Variants in ZNF610 observed in about 807,000 individuals in gnomAD.
ZNF610 encodes zink finger protein.
Under a neutral mutation model 14.1 loss-of-function variants are expected in ZNF610, and 14 were observed. The ratio of observed to expected loss-of-function variants is 0.99; its 90% CI spans 0.65 to 1.55. The LOEUF is 1.55. Among genes scored for constraint, ZNF610 ranks in the 40% most tolerant of loss-of-function variants. The pLI, the probability that ZNF610 is intolerant of heterozygous loss-of-function variation, is 0.00. For synonymous variants in ZNF610, 185 were observed against 187.6 expected, an observed-to-expected ratio of 0.99 and a Z score of 0.11; for missense variants, 530 against 558.0, an observed-to-expected ratio of 0.95 and a Z score of 0.51.
chr19:52,330,721 C>T, the ZNF610 span, among the ~76,000 whole-genome samples: 79 of 152,220 alleles, frequency 5.2e-4, 1 homozygote, highest in Non-Finnish European at 7.6e-4. Context: ...GTACACCTCA[C>T]GCGACCTTCT....
chr19:52,349,646 C>T (rs1173155648), intron 3 of ZNF610, among the ~76,000 whole-genome samples: 2 of 151,394 alleles, frequency 1.3e-5, no homozygotes, highest in African/African-American at 4.9e-5. Context: ...GATCTCGACT[C>T]GCTGCAACCT....
At chr19:52,362,927 A>G (rs1255568410) in intron 5 of ZNF610, among the ~76,000 whole-genome samples, 1 of 152,022 alleles carries the variant, frequency 6.6e-6, no homozygotes, top group Non-Finnish European at 1.5e-5. Context: ...ATGAGGCTAT[A>G]GTGATGTTTG....
At chr19:52,363,333 G>A (rs1487621067) in intron 5 of ZNF610, among the ~76,000 whole-genome samples, 1 of 152,098 alleles carries the variant, frequency 6.6e-6, no homozygotes. Flanking sequence ...GTTTCGCCAT[G>A]TTGGCCAGGC....
At chr19:52,337,608 A>G (rs1984446440) in intron 1 of ZNF610, among the ~76,000 whole-genome samples, 1 of 152,164 alleles carries the variant, frequency 6.6e-6, no homozygotes, top group South Asian at 2.1e-4. Flanking sequence ...AAAGAAGGTA[A>G]GAATGAGAGA....
At position 52,353,693 on chromosome 19, in the gene ZNF610, A is replaced by C. The variant is rs772336598; in HGVS notation, c.75A>C (p.Thr25=). The change falls in exon 4 of 6, where the codon ACA becomes ACC. Residue 25 remains threonine (T), a synonymous_variant. Transcript: ENST00000403906. ...GGTCCTCATTTTAGGGACGCTTGAC[A>C]TTCATGGACGTGGCCATCGAATTCT... is the stretch of plus-strand genomic sequence containing the variant. ...SGMALPQGRL[T]FMDVAIEFSQ... is the part of the protein sequence containing the mutation. 6 of 1,613,750 alleles carry C rather than the reference A, an allele frequency of 3.7e-6. No individual in the cohort carries two copies. The highest frequency in any genetic ancestry group is 1.7e-5 in the Admixed American group (1 of 59,988).
Position 52,353,795 on chromosome 19 carries a change from C to T in ZNF610, c.177C>T (p.Asn59=). 6.2e-7 allele frequency: 1 copy of T among 1,612,124 alleles called. No homozygotes were observed. Among genetic ancestry groups the T allele is most frequent in the Non-Finnish European group, 8.5e-7 (1 of 1,179,444 alleles). The part of the protein sequence containing the change: ...YRDVMLENYR[N]LVFLGICLPD... ...ACGTGATGTTGGAGAACTACAGGAA[C>T]CTGGTCTTTCTGGGTGAGGATGACT... The change falls in exon 4 of 6, where the codon AAC becomes AAT. Residue 59 remains asparagine (N), a synonymous_variant. Coordinates refer to ENST00000403906, the MANE Select transcript of ZNF610 (RefSeq NM_001161425.2).
chr19:52,334,209 T>A (rs1984267159), upstream of ZNF610, among the ~76,000 whole-genome samples: 1 of 152,214 alleles, frequency 6.6e-6, no homozygotes, highest in Admixed American at 6.5e-5. Flanking sequence ...ATAAAGTGTA[T>A]TAGTTTTTTA....
chr19:52,366,459 C>T lies in ZNF610; in HGVS notation c.1081C>T (p.Arg361Trp), dbSNP rs780622529. The change falls in exon 6 of 6, where the codon CGG becomes TGG. Residue 361 changes from arginine (R) to tryptophan (W), a missense_variant. Coordinates refer to ENST00000403906, the MANE Select transcript of ZNF610 (RefSeq NM_001161425.2). ...KVFSLLSYLA[R>W]HQIIHSTEKP... The stretch of plus-strand genomic sequence containing the variant: ...CTTTAGTCTGCTTTCATACCTTGCA[C>T]GGCATCAAATAATTCATAGTACAGA... 7.6e-5 allele frequency: 123 copies of T among 1,613,982 alleles called. No individual in the cohort carries two copies. Among genetic ancestry groups the T allele is most frequent in the Non-Finnish European group, 9.8e-5 (116 of 1,180,044 alleles).
intron 5 of ZNF610, among the ~76,000 whole-genome samples, chr19:52,363,278 C>A (rs936650137): frequency 4.6e-5 from 7 of 152,050 alleles, no homozygotes; most frequent in Non-Finnish European, 1.0e-4. Flanking sequence ...TACTAGAATG[C>A]ACCACTGCAT....
intron 5 of ZNF610, among the ~76,000 whole-genome samples, chr19:52,362,396 C>G (rs12975893): frequency 0.43 from 65,614 of 152,064 alleles, 15,531 homozygotes; most frequent in South Asian, 0.62. Context: ...GGTGACAGAG[C>G]GAGACTCCAT....
intron 1 of ZNF610, among the ~76,000 whole-genome samples, chr19:52,342,653 C>T (rs947890182): frequency 6.6e-6 from 1 of 151,550 alleles, no homozygotes; most frequent in African/African-American, 2.4e-5. Context: ...CTGAGTAGTC[C>T]CGAGCTGGGA....
intron 3 of ZNF610, among the ~76,000 whole-genome samples, chr19:52,353,191 C>T (rs927037466): frequency 2.0e-5 from 3 of 152,226 alleles, no homozygotes; most frequent in Non-Finnish European, 2.9e-5. Context: ...CCATCCACCT[C>T]GGCCTCCCGA....
intron 1 of ZNF610, among the ~76,000 whole-genome samples, chr19:52,343,723 C>G (rs2122188774): frequency 6.6e-6 from 1 of 152,246 alleles, no homozygotes; most frequent in Non-Finnish European, 1.5e-5. Flanking sequence ...TACATTCCCG[C>G]TAGAGGGCAG....
rs148938209 is a variant in ZNF610, at chr19:52,349,205, A to G, written c.33A>G (p.Lys11=). The change falls in exon 3 of 6, where the codon AAA becomes AAG. Residue 11 remains lysine, a synonymous_variant. Coordinates refer to ENST00000403906, the MANE Select transcript of ZNF610 (RefSeq NM_001161425.2). MLCDEEAQKR[K]AKESGMALPQ... ...GTGATGAAGAAGCCCAGAAGAGGAA[A>G]GCAAAGGAGTCAGGGATGGCTCTTC... The G allele has an allele frequency of 6.2e-7, 1 of 1,613,106 alleles. No homozygotes were observed. The highest frequency in any genetic ancestry group is 8.5e-7 in the Non-Finnish European group (1 of 1,179,918).
At chr19:52,355,525 A>G (rs1600236837) in intron 5 of ZNF610, among the ~76,000 whole-genome samples, 1 of 152,314 alleles carries the variant, frequency 6.6e-6, no homozygotes, top group Admixed American at 6.5e-5. Flanking sequence ...CTGGATCTTT[A>G]CTGGGTTTTC....
chr19:52,338,906 C>T (rs1049753767), intron 1 of ZNF610, among the ~76,000 whole-genome samples: 2 of 150,674 alleles, frequency 1.3e-5, no homozygotes, highest in Non-Finnish European at 2.9e-5. Context: ...GACCGGCGCT[C>T]AGCATACGGA....
chr19:52,359,741 A>G (rs1006450144), intron 5 of ZNF610, among the ~76,000 whole-genome samples: 2 of 152,162 alleles, frequency 1.3e-5, no homozygotes, highest in Admixed American at 6.5e-5. Context: ...CAGTTCTGAC[A>G]CTATACCTGG....
chr19:52,345,379 A>G (rs902526207), intron 1 of ZNF610: 7 of 152,212 alleles, frequency 4.6e-5, no homozygotes, highest in African/African-American at 1.7e-4. Flanking sequence ...AGTGCAGTGC[A>G]TTCCTTGTGT....
intron 1 of ZNF610, among the ~76,000 whole-genome samples, chr19:52,346,380 GTGTCGAACTCC>G (rs1984958771): frequency 6.8e-6 from 1 of 146,280 alleles, no homozygotes; most frequent in African/African-American, 2.8e-5. Context: ...GGTCAGTCTG[GTGTCGAACTCC>G]TGACCTCGTG....
Sources: allele counts gnomAD v4.1 joint callset (sites outside exome capture counted in the v4.1 genomes callset), GRCh38; gene constraint gnomAD v4.1.1; transcripts MANE v1.5; gene names NCBI Gene and HGNC (gene_info 2026-07-23, HGNC 2026-07-21).